The following HCN1 variants were observed in gnomAD, a reference collection of about 807,000 sequenced individuals.
HCN1 encodes the protein potassium/sodium hyperpolarization-activated cyclic nucleotide-gated channel 1.
Under a neutral mutation model 78.9 loss-of-function variants are expected in HCN1, and 13 were observed. The observed-to-expected ratio is 0.16, with a 90% confidence interval of 0.11 to 0.26. The LOEUF is 0.26. Among genes scored for constraint, HCN1 ranks in the 10% least tolerant of loss-of-function variants. The pLI is 1.00. For synonymous variants in HCN1, 552 were observed against 455.5 expected (o/e 1.21, Z -2.70); for missense variants, 810 against 1,154.3 (o/e 0.70, Z 4.32).
chr5:45,333,895 T>A (rs551411915), intron 5 of HCN1, among the ~76,000 whole-genome samples: 1 of 151,974 alleles, frequency 6.6e-6, no homozygotes, highest in East Asian at 1.9e-4. Flanking sequence ...TGCCTGACTT[T>A]TAGATAAAAG....
intron 1 of HCN1, among the ~76,000 whole-genome samples, chr5:45,673,660 A>G (rs554705150): frequency 6.6e-6 from 1 of 151,538 alleles, no homozygotes; most frequent in African/African-American, 2.4e-5. Flanking sequence ...TTCTTTGCTT[A>G]TATCAGTATC....
chr5:45,318,074 CA>C (rs1229395404), intron 5 of HCN1, among the ~76,000 whole-genome samples: 1 of 152,132 alleles, frequency 6.6e-6, no homozygotes, highest in Non-Finnish European at 1.5e-5. Flanking sequence ...GGTATATACT[CA>C]AAGGATTATA....
chr5:45,370,726 C>T (rs1011125623), intron 4 of HCN1, among the ~76,000 whole-genome samples: 5 of 151,910 alleles, frequency 3.3e-5, no homozygotes, highest in Non-Finnish European at 5.9e-5. Flanking sequence ...TATTGTCATG[C>T]GCCAGCAATA....
At chr5:45,633,096 T>G (rs1745297825) in intron 2 of HCN1, among the ~76,000 whole-genome samples, 1 of 151,922 alleles carries the variant, frequency 6.6e-6, no homozygotes, top group Admixed American at 6.6e-5. Flanking sequence ...TAGGTTCACT[T>G]TTTGTTAAGT....
intron 2 of HCN1, among the ~76,000 whole-genome samples, chr5:45,581,199 G>GTTGTTTCCTGAC (rs1744064219): frequency 6.6e-6 from 1 of 152,200 alleles, no homozygotes; most frequent in African/African-American, 2.4e-5. Context: ...TCCAGCACCT[G>GTTGTTTCCTGAC]TTGTTTCCTG....
At chr5:45,445,519 C>T (rs113044051) in intron 3 of HCN1, among the ~76,000 whole-genome samples, 4,572 of 152,282 alleles carry the variant, frequency 0.03, 229 homozygotes, top group African/African-American at 0.1. Flanking sequence ...TGTCTGACAG[C>T]TTTGAAGAGA....
At chr5:45,556,594 C>A (rs144310022) in intron 2 of HCN1, among the ~76,000 whole-genome samples, 1 of 151,856 alleles carries the variant, frequency 6.6e-6, no homozygotes, top group African/African-American at 2.4e-5. Flanking sequence ...TCCATTTTCT[C>A]CATTCCTATT....
chr5:45,414,167 C>G (rs1002340083), intron 3 of HCN1, among the ~76,000 whole-genome samples: 5 of 151,964 alleles, frequency 3.3e-5, no homozygotes, highest in African/African-American at 1.2e-4. Context: ...AGCTACCACT[C>G]AATAGACTAA....
intron 2 of HCN1, among the ~76,000 whole-genome samples, chr5:45,583,487 G>C (rs1409768145): frequency 6.6e-6 from 1 of 151,958 alleles, no homozygotes; most frequent in East Asian, 1.9e-4. Context: ...CTTCTGGATT[G>C]ATTGAGTTTT....
intron 4 of HCN1, among the ~76,000 whole-genome samples, chr5:45,392,165 G>T (rs1034091765): frequency 1.3e-5 from 2 of 152,092 alleles, no homozygotes; most frequent in African/African-American, 4.8e-5. Flanking sequence ...AATGGGATTT[G>T]AATAGCTTGA....
rs765109672 is a variant in HCN1, at chr5:45,556,617, A to G, written c.849+88568T>C. ...CTCCATTCCTATTTAATAATGTTTCAAGCTCAGAAGATGCAAAGATGAATG... is the reference window on the plus strand; with the variant it reads ...CTCCATTCCTATTTAATAATGTTTCGAGCTCAGAAGATGCAAAGATGAATG... On this transcript the variant is annotated intron_variant, in intron 2 of 7. Transcript: ENST00000303230. Among the ~76,000 whole-genome samples the G allele has an allele frequency of 1.7e-4, 26 of 151,978 alleles. No homozygotes were observed. In the South Asian group the frequency reaches 5.2e-3, roughly 30 times the overall value.
chr5:45,649,275 T>C (rs922882826), intron 1 of HCN1, among the ~76,000 whole-genome samples: 38 of 152,012 alleles, frequency 2.5e-4, no homozygotes, highest in African/African-American at 9.2e-4. Flanking sequence ...TTTAGAGTAG[T>C]TTTAGGTTCA....
At chr5:45,416,300 A>G (rs1740116705) in intron 3 of HCN1, among the ~76,000 whole-genome samples, 1 of 151,970 alleles carries the variant, frequency 6.6e-6, no homozygotes, top group African/African-American at 2.4e-5. Context: ...CGAGTGAGGA[A>G]TGAAAATGTC....
At chr5:45,317,092 A>G (rs1409812678) in intron 5 of HCN1, among the ~76,000 whole-genome samples, 1 of 152,176 alleles carries the variant, frequency 6.6e-6, no homozygotes, top group African/African-American at 2.4e-5. Flanking sequence ...GGGCCAAAAA[A>G]GAGCCTGCAT....
chr5:45,609,003 G>C (rs935074079), intron 2 of HCN1, among the ~76,000 whole-genome samples: 1 of 151,966 alleles, frequency 6.6e-6, no homozygotes, highest in African/African-American at 2.4e-5. Context: ...TGTAATCAGG[G>C]AAATGCAAAT....
chr5:45,658,104 C>A (rs1213636974), intron 1 of HCN1, among the ~76,000 whole-genome samples: 1 of 152,154 alleles, frequency 6.6e-6, no homozygotes, highest in Admixed American at 6.6e-5. Context: ...ACTATCTGAT[C>A]TTTGACAAAC....
chr5:45,632,874 G>A (rs1337627675), intron 2 of HCN1, among the ~76,000 whole-genome samples: 1 of 152,082 alleles, frequency 6.6e-6, no homozygotes, highest in Non-Finnish European at 1.5e-5. Context: ...CATGGAAAAT[G>A]TGAAGACAAG....
intron 2 of HCN1, among the ~76,000 whole-genome samples, chr5:45,517,532 A>C (rs956976485): frequency 6.6e-5 from 10 of 150,492 alleles, no homozygotes; most frequent in Non-Finnish European, 1.3e-4. Context: ...AAAAAAAAAA[A>C]AAAAAAAAAA....
At chr5:45,375,778 T>G (rs1445830990) in intron 4 of HCN1, among the ~76,000 whole-genome samples, 89 of 103,902 alleles carry the variant, frequency 8.6e-4, no homozygotes, top group African/African-American at 3.0e-3. Context: ...ATATCTTATA[T>G]ATAATATAAT....
Sources: gnomAD v4.1 joint callset for allele counts (sites outside exome capture counted in the v4.1 genomes callset) on GRCh38, gnomAD v4.1.1 for gene constraint, MANE v1.5 for transcripts, NCBI Gene and HGNC (gene_info 2026-07-23, HGNC 2026-07-21) for gene names.